Variants in IMMP2L observed in about 807,000 individuals in gnomAD.
IMMP2L encodes mitochondrial inner membrane protease subunit 2.
IMMP2L carries 18 observed loss-of-function variants against 19.3 expected under a neutral mutation model. That is an observed-to-expected ratio of 0.93 (90% confidence interval 0.64 to 1.38). IMMP2L has a LOEUF of 1.38. Ranked by LOEUF, IMMP2L falls within the 40% of genes most tolerant of loss-of-function variation. The pLI is 0.00. For missense variants in IMMP2L, 233 were observed against 218.2 expected (o/e 1.07, Z -0.43); for synonymous variants, 76 against 73.0 (o/e 1.04, Z -0.21).
intron 3 of IMMP2L, among the ~76,000 whole-genome samples, chr7:111,097,665 C>G (rs1419269301): frequency 6.6e-6 from 1 of 151,804 alleles, no homozygotes; most frequent in Non-Finnish European, 1.5e-5. Flanking sequence ...AGACTGTTTA[C>G]TGTATCGCTA....
intron 5 of IMMP2L, among the ~76,000 whole-genome samples, chr7:110,809,394 A>G (rs1469984767): frequency 6.6e-6 from 1 of 151,996 alleles, no homozygotes; most frequent in African/African-American, 2.4e-5. Flanking sequence ...AGACCAAAAT[A>G]TTAGCCTTTT....
chr7:111,238,575 C>G (rs1249278894), intron 3 of IMMP2L, among the ~76,000 whole-genome samples: 1 of 151,792 alleles, frequency 6.6e-6, no homozygotes, highest in Non-Finnish European at 1.5e-5. Context: ...TAATATAATT[C>G]TGTCTCTCTT....
chr7:110,768,920 T>A (rs1038451529), intron 5 of IMMP2L, among the ~76,000 whole-genome samples: 1 of 152,196 alleles, frequency 6.6e-6, no homozygotes, highest in Non-Finnish European at 1.5e-5. Flanking sequence ...AGGAGTTTTT[T>A]AAAAGTAATA....
At chr7:110,783,044 A>T (rs1021270034) in intron 5 of IMMP2L, among the ~76,000 whole-genome samples, 1 of 151,916 alleles carries the variant, frequency 6.6e-6, no homozygotes, top group African/African-American at 2.4e-5. Context: ...TGAGCTGGAA[A>T]TGTGCGTTCT....
chr7:111,035,606 C>A (rs1791262874), intron 3 of IMMP2L, among the ~76,000 whole-genome samples: 1 of 152,126 alleles, frequency 6.6e-6, no homozygotes, highest in African/African-American at 2.4e-5. Context: ...CCAACGCTAG[C>A]AATAATATCT....
At chr7:111,514,356 C>G (rs1352662930) in intron 2 of IMMP2L, among the ~76,000 whole-genome samples, 1 of 151,882 alleles carries the variant, frequency 6.6e-6, no homozygotes, top group Non-Finnish European at 1.5e-5. Flanking sequence ...ACATCGCACA[C>G]CGGGGCCTGT....
At chr7:111,404,274 T>C (rs929187408) in intron 3 of IMMP2L, among the ~76,000 whole-genome samples, 7 of 151,936 alleles carry the variant, frequency 4.6e-5, no homozygotes, top group Non-Finnish European at 8.8e-5. Context: ...ATATTAGGAG[T>C]GTTCAGGGGC....
In IMMP2L at chr7:111,213,287, G is replaced by A. The variant is rs951512837; in HGVS notation, c.240-249722C>T. 6.6e-6 allele frequency among the ~76,000 whole-genome samples: 1 copy of A among 152,216 alleles called. No homozygotes were observed. The highest frequency in any genetic ancestry group is 1.5e-5 in the Non-Finnish European group (1 of 68,042). ...GGCAGCACTGACATACCAGCACCCTGCTGCCTCAGCCCCCTCCAGGCTTTG... is the reference window on the plus strand; with the variant it reads ...GGCAGCACTGACATACCAGCACCCTACTGCCTCAGCCCCCTCCAGGCTTTG... On this transcript the variant is annotated intron_variant, in intron 3 of 5. Coordinates refer to ENST00000405709, the MANE Select transcript of IMMP2L (RefSeq NM_032549.4). This position sits in a 1 kb window ranked among gnomAD's most constrained non-coding sequence, Gnocchi z 4.8.
At chr7:111,027,182 T>C (rs979160486) in intron 3 of IMMP2L, among the ~76,000 whole-genome samples, 1 of 152,104 alleles carries the variant, frequency 6.6e-6, no homozygotes, top group Non-Finnish European at 1.5e-5. Context: ...ATTTGATACA[T>C]GGTATAAACA....
intron 3 of IMMP2L, among the ~76,000 whole-genome samples, chr7:111,426,380 C>T (rs568930567): frequency 4.0e-5 from 6 of 150,836 alleles, no homozygotes; most frequent in African/African-American, 1.2e-4. Flanking sequence ...AAGGTATGTT[C>T]GTTCACATTT....
intron 5 of IMMP2L, among the ~76,000 whole-genome samples, chr7:110,687,475 T>G (rs1793194891): frequency 6.6e-6 from 1 of 152,076 alleles, no homozygotes; most frequent in Non-Finnish European, 1.5e-5. Flanking sequence ...ACTTTATTCA[T>G]AAACAAATAA....
rs976272590 is a variant in IMMP2L at position 110,705,574 on chromosome 7, T to A, written c.409-41853A>T. ...TTTTATGTCAGTGCAGTCATTTTTT[T>A]AAATAATTTCAACTTTTATTTTAGA... is the stretch of plus-strand genomic sequence containing the variant. On this transcript the variant is annotated intron_variant, in intron 5 of 5. Coordinates refer to ENST00000405709, the MANE Select transcript of IMMP2L (RefSeq NM_032549.4). Among the ~76,000 whole-genome samples, 19 of 152,166 alleles carry A rather than the reference T, an allele frequency of 1.2e-4. 2 individuals are homozygous for A. Among genetic ancestry groups the A allele is most frequent in the East Asian group, 5.8e-4 (3 of 5,192 alleles).
At chr7:110,702,088 C>T (rs1422804317) in intron 5 of IMMP2L, among the ~76,000 whole-genome samples, 2 of 151,834 alleles carry the variant, frequency 1.3e-5, no homozygotes, top group Non-Finnish European at 2.9e-5. Context: ...TGCCTCTATC[C>T]CAGCTAATTT....
At chr7:110,968,777 A>G (rs1819831066) in intron 3 of IMMP2L, among the ~76,000 whole-genome samples, 1 of 152,126 alleles carries the variant, frequency 6.6e-6, no homozygotes, top group Non-Finnish European at 1.5e-5. Context: ...AGAAATCTTG[A>G]AAAATGTTCC....
At chr7:110,824,342 G>A (rs1314893658) in intron 5 of IMMP2L, among the ~76,000 whole-genome samples, 1 of 152,000 alleles carries the variant, frequency 6.6e-6, no homozygotes, top group Non-Finnish European at 1.5e-5. Context: ...TACACAAATA[G>A]GATAGACTAA....
At chr7:111,081,644 T>C (rs964560941) in intron 3 of IMMP2L, among the ~76,000 whole-genome samples, 2 of 152,176 alleles carry the variant, frequency 1.3e-5, no homozygotes, top group African/African-American at 4.8e-5. Flanking sequence ...TCTATACATA[T>C]TTATTAATTT....
chr7:111,244,709 A>G (rs62466689), intron 3 of IMMP2L, among the ~76,000 whole-genome samples: 107 of 320 alleles, frequency 0.33, 51 homozygotes, highest in East Asian at 1. Flanking sequence ...GTGTAAGGAA[A>G]GGATCCAGTT....
At chr7:111,099,318 G>A (rs1797727456) in intron 3 of IMMP2L, among the ~76,000 whole-genome samples, 1 of 151,610 alleles carries the variant, frequency 6.6e-6, no homozygotes, top group Non-Finnish European at 1.5e-5. Context: ...TGATGAAGAT[G>A]AAAATAGTCT....
intron 1 of IMMP2L, among the ~76,000 whole-genome samples, chr7:111,529,531 C>T (rs1193044881): frequency 6.6e-6 from 1 of 151,982 alleles, no homozygotes; most frequent in Non-Finnish European, 1.5e-5. Context: ...CCTAGTAGTT[C>T]TCACTTGAAA....
Sources: allele counts gnomAD v4.1 joint callset (sites outside exome capture counted in the v4.1 genomes callset), GRCh38; gene constraint gnomAD v4.1.1; non-coding constraint Gnocchi (gnomAD v3.1); transcripts MANE v1.5; gene names NCBI Gene and HGNC (gene_info 2026-07-23, HGNC 2026-07-21).